Variants in AFF3 observed in about 807,000 individuals in gnomAD.
AFF3 encodes AF4/FMR2 family member 3.
In AFF3, 32 loss-of-function variants were observed where a neutral mutation model predicts 129.7. The ratio of observed to expected loss-of-function variants is 0.25; its 90% CI spans 0.19 to 0.33. The LOEUF (loss-of-function observed/expected upper bound fraction) is 0.33. Ranked by LOEUF, AFF3 falls within the 10% of genes least tolerant of loss-of-function variation. The pLI, the probability that AFF3 is intolerant of heterozygous loss-of-function variation, is 1.00. For synonymous variants in AFF3, 644 were observed against 635.4 expected (o/e 1.01, Z -0.20); for missense variants, 1,373 against 1,592.0 (o/e 0.86, Z 2.34).
intron 7 of AFF3, among the ~76,000 whole-genome samples, chr2:99,958,434 G>T (rs1351095056): frequency 6.7e-6 from 1 of 149,978 alleles, no homozygotes; most frequent in Non-Finnish European, 1.5e-5. Flanking sequence ...TGAAGGAGCC[G>T]AGATCGTGTC....
intron 8 of AFF3, among the ~76,000 whole-genome samples, chr2:99,794,019 A>T (rs1685390977): frequency 6.6e-6 from 1 of 152,236 alleles, no homozygotes; most frequent in South Asian, 2.1e-4. Flanking sequence ...TCTTTGACAC[A>T]TGGATTTAGA....
chr2:99,697,793 C>G (rs534673291), intron 11 of AFF3, among the ~76,000 whole-genome samples: 2 of 152,188 alleles, frequency 1.3e-5, no homozygotes, highest in Admixed American at 1.3e-4. Context: ...GATAATAAAA[C>G]CAGCTTTGTC....
chr2:99,782,286 A>G (rs763948192), intron 8 of AFF3, among the ~76,000 whole-genome samples: 12 of 152,376 alleles, frequency 7.9e-5, no homozygotes, highest in Admixed American at 3.3e-4. Flanking sequence ...ATGCTAGTGA[A>G]CATTATCAGA....
At chr2:100,015,691 T>C (rs1468598461) in intron 4 of AFF3, among the ~76,000 whole-genome samples, 2 of 152,204 alleles carry the variant, frequency 1.3e-5, no homozygotes, top group African/African-American at 2.4e-5. Context: ...TCTATAGACA[T>C]AGCTGGTGGA....
chr2:99,902,182 T>C (rs1263157541), intron 7 of AFF3, among the ~76,000 whole-genome samples: 1 of 151,900 alleles, frequency 6.6e-6, no homozygotes, highest in Non-Finnish European at 1.5e-5. Flanking sequence ...TCATGGACTT[T>C]AAAACAGTAT....
intron 13 of AFF3, among the ~76,000 whole-genome samples, chr2:99,628,703 C>T (rs1356096113): frequency 8.7e-5 from 13 of 149,338 alleles, no homozygotes; most frequent in Admixed American, 8.1e-4. Flanking sequence ...ATTACAGGCA[C>T]GTGCCACCAT....
intron 8 of AFF3, among the ~76,000 whole-genome samples, chr2:99,787,062 T>C (rs528397630): frequency 1.6e-4 from 25 of 152,126 alleles, no homozygotes; most frequent in Non-Finnish European, 2.9e-4. Context: ...TGGGCAAAAA[T>C]GCCCTTGGCC....
At chr2:99,713,057 G>C (rs773642848) in intron 11 of AFF3, among the ~76,000 whole-genome samples, 2 of 152,142 alleles carry the variant, frequency 1.3e-5, no homozygotes, top group Non-Finnish European at 1.5e-5. Context: ...AGACAGCAAT[G>C]GTGATTACCA....
chr2:100,105,604 T>TCATC, intron 2 of AFF3, 21 bp from the exon 3 acceptor site: 1 of 1,335,732 alleles, frequency 7.5e-7, no homozygotes, highest in South Asian at 1.2e-5. Flanking sequence ...GATAAGAGTA[T>TCATC]CATCGTGGCT....
intron 8 of AFF3, among the ~76,000 whole-genome samples, chr2:99,814,808 G>A (rs1169309586): frequency 6.6e-6 from 1 of 151,678 alleles, no homozygotes; most frequent in African/African-American, 2.4e-5. Context: ...AAAACTTGAA[G>A]TTTAGAGCTT....
chr2:99,672,231 CAT>C (rs35510301), intron 12 of AFF3, among the ~76,000 whole-genome samples: 1,433 of 27,408 alleles, frequency 0.052, 29 homozygotes, highest in Middle Eastern at 0.16. Flanking sequence ...CACACACACA[CAT>C]GAATAAATAA....
intron 7 of AFF3, among the ~76,000 whole-genome samples, chr2:99,952,941 AGTGCT>A (rs2104202061): frequency 6.6e-6 from 1 of 152,310 alleles, no homozygotes; most frequent in South Asian, 2.1e-4. Flanking sequence ...AGGTAATTAC[AGTGCT>A]GTACTTACTC....
At chr2:99,556,471 A>G (rs979675802) in intron 22 of AFF3, among the ~76,000 whole-genome samples, 7 of 152,164 alleles carry the variant, frequency 4.6e-5, no homozygotes, top group Non-Finnish European at 1.0e-4. Flanking sequence ...AGAAGTCTTG[A>G]GTTCTCTTCC....
intron 4 of AFF3, among the ~76,000 whole-genome samples, chr2:100,092,002 C>T (rs1247613119): frequency 1.3e-5 from 2 of 148,920 alleles, no homozygotes; most frequent in Non-Finnish European, 1.5e-5. Context: ...ACTTCTCATT[C>T]TCTCCTCCTC....
intron 11 of AFF3, among the ~76,000 whole-genome samples, chr2:99,676,436 A>C (rs1006747126): frequency 6.6e-6 from 1 of 152,182 alleles, no homozygotes; most frequent in Non-Finnish European, 1.5e-5. Context: ...CCCAGGAAGA[A>C]TGCTAGCTCT....
intron 13 of AFF3, among the ~76,000 whole-genome samples, chr2:99,648,885 G>GCGCA (rs1553416868): frequency 2.1e-5 from 2 of 93,764 alleles, no homozygotes; most frequent in Non-Finnish European, 4.2e-5. Context: ...AAACACGCGC[G>GCGCA]CACACACACA....
chr2:100,061,739 G>T (rs763449196), intron 4 of AFF3, among the ~76,000 whole-genome samples: 1 of 151,706 alleles, frequency 6.6e-6, no homozygotes, highest in Middle Eastern at 3.2e-3. Context: ...TTTATACCCC[G>T]ACCTACTCTG....
chr2:99,715,580 G>A (rs1678298980), intron 11 of AFF3, among the ~76,000 whole-genome samples: 1 of 152,004 alleles, frequency 6.6e-6, no homozygotes, highest in Non-Finnish European at 1.5e-5. Flanking sequence ...ACACCTGGCT[G>A]GATCATTTTC....
At chr2:99,624,199 C>G (rs917202026) in intron 13 of AFF3, among the ~76,000 whole-genome samples, 2 of 152,064 alleles carry the variant, frequency 1.3e-5, no homozygotes, top group African/African-American at 4.8e-5. Flanking sequence ...ACCCAGCTAC[C>G]TATCTGCTTG....
Sources: allele counts gnomAD v4.1 joint callset (sites outside exome capture counted in the v4.1 genomes callset), GRCh38; gene constraint gnomAD v4.1.1; transcripts MANE v1.5; gene names NCBI Gene and HGNC (gene_info 2026-07-23, HGNC 2026-07-21).